The following NAA25 variants were observed in gnomAD, a reference collection of about 807,000 sequenced individuals.
NAA25 encodes N-alpha-acetyltransferase 25, NatB auxiliary subunit, also known as N-terminal acetyltransferase B complex subunit NAA25.
In NAA25, 30 loss-of-function variants were observed where a neutral mutation model predicts 132.5. That is an observed-to-expected ratio of 0.23 (90% CI 0.17 to 0.31). NAA25 has a LOEUF of 0.31. Among genes scored for constraint, NAA25 ranks in the 10% least tolerant of loss-of-function variants. The pLI is 1.00. For missense variants in NAA25, 771 were observed against 1,150.4 expected, an observed-to-expected ratio of 0.67 and a Z score of 4.77; for synonymous variants, 359 against 401.9, an observed-to-expected ratio of 0.89 and a Z score of 1.28.
rs74636821 is a variant in NAA25, at chr12:112,078,108, T to C, written c.664+80A>G. On this transcript the variant is annotated intron_variant, in intron 7 of 23. Transcript: ENST00000261745. Reference sequence around the variant, plus strand: ...AAGTGTTTATGTCTTTATATCCTTATGTGGAAATTTTCTACAATAAACATT... The same window carrying C: ...AAGTGTTTATGTCTTTATATCCTTACGTGGAAATTTTCTACAATAAACATT... 0.09 allele frequency: 85,395 copies of C among 953,290 alleles called. 4,395 individuals are homozygous for C. Among genetic ancestry groups the C allele is most frequent in the East Asian group, 0.19 (7,662 of 40,782 alleles). 59.1% of individuals were successfully genotyped at this position (953,290 alleles called of 1,614,324 possible). A position where few individuals can be genotyped will look rare whatever the true frequency, so the allele number is the denominator to read the frequency against.
intron 4 of NAA25, among the ~76,000 whole-genome samples, chr12:112,081,923 T>C (rs1480000329): frequency 6.6e-6 from 1 of 152,144 alleles, no homozygotes; most frequent in African/African-American, 2.4e-5. Flanking sequence ...AGAAAACAAA[T>C]ACATAAATGA....
chr12:112,108,349 C>T (rs1471844633), intron 1 of NAA25, among the ~76,000 whole-genome samples: 10 of 152,262 alleles, frequency 6.6e-5, no homozygotes, highest in African/African-American at 2.2e-4. Flanking sequence ...CAGGGCGTCC[C>T]ACCCTCGTGC....
At chr12:112,036,919 T>C (rs1423829032) in intron 22 of NAA25, among the ~76,000 whole-genome samples, 1 of 151,144 alleles carries the variant, frequency 6.6e-6, no homozygotes, top group Non-Finnish European at 1.5e-5. Flanking sequence ...AAAAACGCTG[T>C]CTAGTTCTCG....
intron 9 of NAA25, 68 bp from the exon 10 acceptor site, chr12:112,072,132 C>T: frequency 7.7e-7 from 1 of 1,301,482 alleles, no homozygotes; most frequent in Non-Finnish European, 1.0e-6. Flanking sequence ...TAAAGTCAAG[C>T]CAAACTCATT....
Position 112,068,873 on chromosome 12 carries a change from T to A in NAA25, c.1149+7A>T, listed in dbSNP as rs754777977. 6.5e-7 allele frequency: 1 copy of A among 1,527,562 alleles called. No homozygotes were observed. Among genetic ancestry groups the A allele is most frequent in the Non-Finnish European group, 9.0e-7 (1 of 1,109,138 alleles). The allele number at this position is 1,527,562 out of a possible 1,614,324, so 94.6% of individuals were successfully genotyped here. A position where few individuals can be genotyped will look rare whatever the true frequency, so the allele number is the denominator to read the frequency against. On this transcript the variant is annotated splice_region_variant and intron_variant, in intron 11 of 23. Coordinates refer to ENST00000261745, the MANE Select transcript of NAA25 (RefSeq NM_024953.4). ...CCCAACAAACTTCTAAACTGTATAGTACTTACTTTTGTACACTGTGTAGCA... is the reference window on the plus strand; with the variant it reads ...CCCAACAAACTTCTAAACTGTATAGAACTTACTTTTGTACACTGTGTAGCA...
chr12:112,034,943 ATAT>A (rs2078204392), intron 22 of NAA25: 1 of 152,182 alleles, frequency 6.6e-6, no homozygotes, highest in Non-Finnish European at 1.5e-5. Flanking sequence ...TAATTATAGC[ATAT>A]TAATATAACA....
rs545510434 is a variant in NAA25, at chr12:112,085,795, G to A, written c.402+1888C>T. On this transcript the variant is annotated intron_variant, in intron 4 of 23. Coordinates refer to ENST00000261745, the MANE Select transcript of NAA25 (RefSeq NM_024953.4). ...AGCATTTTGGGAGGCAGAGGCGAGC[G>A]GATCATGAGGTCAGGAGTTCGAGAC... 2.9e-4 allele frequency among the ~76,000 whole-genome samples: 44 copies of A among 151,096 alleles called. No homozygotes were observed. The East Asian group carries it at 5.6e-3, about 19-fold the overall frequency.
intron 10 of NAA25, among the ~76,000 whole-genome samples, chr12:112,071,354 G>C (rs2078805409): frequency 6.6e-6 from 1 of 151,774 alleles, no homozygotes; most frequent in Non-Finnish European, 1.5e-5. Context: ...AAATTTTTGA[G>C]ACAGGTTCTG....
At chr12:112,035,984 C>T (rs1461134661) in intron 22 of NAA25, among the ~76,000 whole-genome samples, 3 of 152,144 alleles carry the variant, frequency 2.0e-5, no homozygotes, top group Admixed American at 2.0e-4. Context: ...CAGCACCCAG[C>T]CAACATTTTC....
rs2078284561 is a variant in NAA25 at position 112,040,354 on chromosome 12, T to G, written c.2538+127A>C. ...AAAATGATTTAAATTGCTTTTCAAT[T>G]AACAAAAACAGGGATGGAGGGTTAA... is the stretch of plus-strand genomic sequence containing the variant. On this transcript the variant is annotated intron_variant, in intron 21 of 23. Transcript: ENST00000261745. 4.2e-5 allele frequency: 23 copies of G among 542,132 alleles called. No individual in the cohort carries two copies. In the South Asian group the frequency reaches 5.6e-4, roughly 13 times the overall value. 33.6% of individuals were successfully genotyped at this position (542,132 alleles called of 1,614,324 possible). A position where few individuals can be genotyped will look rare whatever the true frequency, so the allele number is the denominator to read the frequency against.
At chr12:112,086,014 CAAAAAAAAAAAAAAAAA>C (rs566528517) in intron 4 of NAA25, among the ~76,000 whole-genome samples, 9 of 11,974 alleles carry the variant, frequency 7.5e-4, no homozygotes, top group Non-Finnish European at 1.1e-3. Context: ...GAGACTGTCT[CAAAAAAAAAAAAAAAAA>C]AAAAAAAAAA....
chr12:112,038,680 A>G (rs1593748308), intron 22 of NAA25, among the ~76,000 whole-genome samples: 1 of 152,148 alleles, frequency 6.6e-6, no homozygotes, highest in Non-Finnish European at 1.5e-5. Flanking sequence ...TGGGCCACAC[A>G]TAAAATACAC....
chr12:112,076,179 G>C (rs1398025691), intron 7 of NAA25, among the ~76,000 whole-genome samples: 1 of 152,036 alleles, frequency 6.6e-6, no homozygotes, highest in Non-Finnish European at 1.5e-5. Flanking sequence ...TACCGGGCCC[G>C]GCCTAAATGT....
intron 1 of NAA25, among the ~76,000 whole-genome samples, chr12:112,093,736 C>T (rs1408038529): frequency 6.6e-6 from 1 of 151,816 alleles, no homozygotes; most frequent in Non-Finnish European, 1.5e-5. Context: ...AAAAATTAGC[C>T]AGGCATGTTG....
chr12:112,060,005 T>C (rs2078603385), intron 13 of NAA25, among the ~76,000 whole-genome samples: 1 of 151,936 alleles, frequency 6.6e-6, no homozygotes, highest in South Asian at 2.1e-4. Flanking sequence ...ACGAAGTTTT[T>C]TGCATTTTGG....
At chr12:112,045,655 C>A (rs1305646352) in intron 17 of NAA25, among the ~76,000 whole-genome samples, 1 of 151,424 alleles carries the variant, frequency 6.6e-6, no homozygotes, top group Non-Finnish European at 1.5e-5. Flanking sequence ...ATTAGCCGGG[C>A]GTGGTGGCAG....
intron 23 of NAA25, among the ~76,000 whole-genome samples, chr12:112,032,763 CT>C (rs1565994596): frequency 6.6e-6 from 1 of 152,142 alleles, no homozygotes; most frequent in Non-Finnish European, 1.5e-5. Context: ...ATGGTGGTAC[CT>C]TTGATTCCAT....
intron 22 of NAA25, among the ~76,000 whole-genome samples, chr12:112,038,843 G>A (rs2078262444): frequency 6.6e-6 from 1 of 152,152 alleles, no homozygotes; most frequent in Non-Finnish European, 1.5e-5. Context: ...GCCGGGTGTG[G>A]TGGCAGGCGC....
chr12:112,068,515 T>C (rs1218334849), intron 11 of NAA25, among the ~76,000 whole-genome samples: 2 of 152,216 alleles, frequency 1.3e-5, no homozygotes, highest in Admixed American at 1.3e-4. Flanking sequence ...ACACTATAAT[T>C]GGGCAAGATG....
Sources: gnomAD v4.1 joint callset for allele counts (sites outside exome capture counted in the v4.1 genomes callset) on GRCh38, gnomAD v4.1.1 for gene constraint, MANE v1.5 for transcripts, NCBI Gene and HGNC (gene_info 2026-07-23, HGNC 2026-07-21) for gene names.